GNG4: variants seen among roughly 807,000 people sequenced by gnomAD.
GNG4 encodes guanine nucleotide-binding protein G(I)/G(S)/G(O) subunit gamma-4.
GNG4 carries 4 observed loss-of-function variants against 5.8 expected under a neutral mutation model. The observed-to-expected ratio is 0.69, with a 90% CI of 0.34 to 1.57. GNG4 has a LOEUF of 1.57. Ranked by LOEUF, GNG4 falls within the 40% of genes most tolerant of loss-of-function variation. GNG4 has a pLI of 0.06. For missense variants in GNG4, 96 were observed against 95.1 expected (o/e 1.01, Z -0.04); for synonymous variants, 29 against 32.9 (o/e 0.88, Z 0.41).
rs1051229120 is a variant in GNG4 at position 235,608,652 on chromosome 1, CTTTGT to C, written c.-122-13146_-122-13142del. On this transcript the variant is annotated intron_variant, in intron 1 of 3. Transcript: ENST00000391854. ...GCAGTCTTTTGTGACTGGATTCTTC[CTTTGT>C]TTTCTTTTTTACTTAGTTTTTTATT... 9.9e-5 allele frequency among the ~76,000 whole-genome samples: 15 copies of C among 151,792 alleles called. 1 individual carries two copies. The highest frequency in any genetic ancestry group is 3.4e-4 in the African/African-American group (14 of 41,344).
At position 235,644,981 on chromosome 1, in the gene GNG4, G is replaced by A. The variant is rs575567258; in HGVS notation, c.-123+4681C>T. ...ACTCCGTCCACATGGGCCCCGGGCCGCCAGAGACCCCAGGGCCCACGTGGA... is the reference window on the plus strand; with the variant it reads ...ACTCCGTCCACATGGGCCCCGGGCCACCAGAGACCCCAGGGCCCACGTGGA... On this transcript the variant is annotated intron_variant, in intron 1 of 3. Transcript: ENST00000391854. This position sits in a 1 kb window ranked among gnomAD's most constrained non-coding sequence, Gnocchi z 5.9. Among the ~76,000 whole-genome samples, 4 of 152,296 alleles carry A rather than the reference G, an allele frequency of 2.6e-5. No homozygotes were observed. Among genetic ancestry groups the A allele is most frequent in the South Asian group, 2.1e-4 (1 of 4,834 alleles).
At chr1:235,596,227 C>T (rs1237054698) in intron 1 of GNG4, among the ~76,000 whole-genome samples, 2 of 149,182 alleles carry the variant, frequency 1.3e-5, no homozygotes, top group African/African-American at 2.5e-5. Flanking sequence ...CACACACACA[C>T]ACACACACAC....
chr1:235,581,692 G>A (rs1306359426), intron 3 of GNG4, among the ~76,000 whole-genome samples: 3 of 152,016 alleles, frequency 2.0e-5, no homozygotes, highest in African/African-American at 7.2e-5. Context: ...TGGACCACCT[G>A]TGGAACCACA....
intron 1 of GNG4, among the ~76,000 whole-genome samples, chr1:235,628,550 G>A (rs1571921650): frequency 6.6e-6 from 1 of 152,190 alleles, no homozygotes; most frequent in Middle Eastern, 3.4e-3. Flanking sequence ...CAGCCTAAAG[G>A]GTCCCCACCC....
intron 3 of GNG4, among the ~76,000 whole-genome samples, chr1:235,580,076 C>A (rs1687590881): frequency 6.6e-6 from 1 of 152,180 alleles, no homozygotes; most frequent in African/African-American, 2.4e-5. Context: ...GAATACAACT[C>A]AGCCCTGAAA....
intron 3 of GNG4, among the ~76,000 whole-genome samples, chr1:235,572,649 G>A (rs6667953): frequency 0.047 from 7,050 of 151,528 alleles, 489 homozygotes; most frequent in African/African-American, 0.15. Context: ...CTACAGGTGC[G>A]CCACCATGCC....
chr1:235,616,701 T>C (rs1042488546), intron 1 of GNG4, among the ~76,000 whole-genome samples: 2 of 151,710 alleles, frequency 1.3e-5, no homozygotes, highest in Admixed American at 6.6e-5. Flanking sequence ...CCCTCGCCTC[T>C]TTCCCTTGGA....
intron 3 of GNG4, among the ~76,000 whole-genome samples, chr1:235,561,352 G>A (rs1687059377): frequency 6.6e-6 from 1 of 151,958 alleles, no homozygotes; most frequent in South Asian, 2.1e-4. Flanking sequence ...TCTCATTGTT[G>A]TGTTTTAAGG....
chr1:235,600,129 T>TTTTTTTTTG (rs1289825136), intron 1 of GNG4, among the ~76,000 whole-genome samples: 4 of 113,016 alleles, frequency 3.5e-5, no homozygotes, highest in Admixed American at 9.3e-5. Context: ...TTTTTTTTTT[T>TTTTTTTTTG]AGACAGGCAG....
chr1:235,583,949 C>T, intron 2 of GNG4, 101 bp from the exon 3 acceptor site: 1 of 610,838 alleles, frequency 1.6e-6, no homozygotes, highest in Non-Finnish European at 2.9e-6. Flanking sequence ...AGCCAGGGAG[C>T]ATCTGGGAGC....
At chr1:235,619,100 GACC>G in intron 1 of GNG4, among the ~76,000 whole-genome samples, 1 of 110,080 alleles carries the variant, frequency 9.1e-6, no homozygotes, top group African/African-American at 3.6e-5. Context: ...AGGAGTTCAA[GACC>G]ACCCTCGGCA....
intron 1 of GNG4, among the ~76,000 whole-genome samples, chr1:235,628,179 TCAACAACAACAACAAAGACAA>T (rs1688856917): frequency 6.6e-6 from 1 of 151,968 alleles, no homozygotes. Flanking sequence ...AAACTCTGTC[TCAACAACAACAACAAAGACAA>T]CAACAACAAC....
chr1:235,593,135 G>A (rs1287603538), intron 2 of GNG4, among the ~76,000 whole-genome samples: 1 of 152,096 alleles, frequency 6.6e-6, no homozygotes, highest in Non-Finnish European at 1.5e-5. Flanking sequence ...TTTTAGTAGA[G>A]ATGGGGTTTC....
Position 235,560,025 on chromosome 1 carries a change from TCTGA to T in GNG4, c.100-7792_100-7789del, listed in dbSNP as rs551362532. On this transcript the variant is annotated intron_variant, in intron 3 of 3. Transcript: ENST00000391854. The stretch of plus-strand genomic sequence containing the variant: ...GTTCAACAGGTCAGTGTTTGTCCCA[TCTGA>T]CTGACTATCTCTCAGTTTTGATATT... Among the ~76,000 whole-genome samples the T allele has an allele frequency of 5.8e-4, 89 of 152,350 alleles. 2 individuals are homozygous for T. The highest frequency in any genetic ancestry group is 3.4e-3 in the Middle Eastern group (1 of 294).
intron 2 of GNG4, among the ~76,000 whole-genome samples, chr1:235,591,044 C>CT (rs1687949062): frequency 6.6e-6 from 1 of 152,184 alleles, no homozygotes; most frequent in Admixed American, 6.5e-5. Context: ...ACGGACCACA[C>CT]TTTGAGTAGC....
intron 2 of GNG4, among the ~76,000 whole-genome samples, chr1:235,585,642 C>T (rs1687742739): frequency 1.3e-5 from 2 of 152,216 alleles, no homozygotes; most frequent in African/African-American, 4.8e-5. Flanking sequence ...CTACATACTA[C>T]AGTACTCCAC....
chr1:235,569,693 G>A (rs1338025626), intron 3 of GNG4, among the ~76,000 whole-genome samples: 5 of 151,460 alleles, frequency 3.3e-5, no homozygotes, highest in Admixed American at 2.0e-4. Context: ...TCAGCCTCCC[G>A]AGTAGCTGGG....
At chr1:235,576,134 C>G (rs1215525354) in intron 3 of GNG4, among the ~76,000 whole-genome samples, 3 of 148,856 alleles carry the variant, frequency 2.0e-5, no homozygotes, top group Middle Eastern at 3.5e-3. Flanking sequence ...GATCTGGGCT[C>G]ACTGAAACCT....
intron 3 of GNG4, among the ~76,000 whole-genome samples, chr1:235,554,190 G>A (rs182946775): frequency 1.5e-4 from 23 of 151,838 alleles, no homozygotes; most frequent in African/African-American, 4.8e-4. Flanking sequence ...ACTCAAAGCC[G>A]GTGGACTTGG....
Sources: gnomAD v4.1 joint callset for allele counts (sites outside exome capture counted in the v4.1 genomes callset) on GRCh38, gnomAD v4.1.1 for gene constraint, Gnocchi (gnomAD v3.1) non-coding constraint, MANE v1.5 for transcripts, NCBI Gene and HGNC (gene_info 2026-07-23, HGNC 2026-07-21) for gene names.